The following SBF2 variants were observed in gnomAD, a reference collection of about 807,000 sequenced individuals.
SBF2 encodes myotubularin-related protein 13.
In SBF2, 112 loss-of-function variants were observed where a neutral mutation model predicts 225.2. The observed-to-expected ratio is 0.50, with a 90% CI of 0.43 to 0.58. The LOEUF is 0.58. Among genes scored for constraint, SBF2 ranks in the 20% least tolerant of loss-of-function variants. SBF2 has a pLI of 0.00. For synonymous variants in SBF2, 763 were observed against 773.3 expected (o/e 0.99, Z 0.22); for missense variants, 1,996 against 2,206.2 (o/e 0.90, Z 1.91).
At chr11:9,927,388 G>A (rs1864136937) in intron 16 of SBF2, among the ~76,000 whole-genome samples, 2 of 152,106 alleles carry the variant, frequency 1.3e-5, no homozygotes, top group Non-Finnish European at 2.9e-5. Flanking sequence ...CTGATTTTAT[G>A]AGGCCAGCAA....
At chr11:10,107,790 T>C (rs887151366) in intron 2 of SBF2, among the ~76,000 whole-genome samples, 8 of 152,216 alleles carry the variant, frequency 5.3e-5, no homozygotes, top group Non-Finnish European at 1.0e-4. Context: ...TACAGGATGA[T>C]CTCATCTGAA....
chr11:9,794,620 G>A (rs1030850291), intron 33 of SBF2, among the ~76,000 whole-genome samples: 4 of 122,944 alleles, frequency 3.3e-5, no homozygotes, highest in South Asian at 2.8e-4. Flanking sequence ...AGCCAAGATC[G>A]CACCAATGCA....
intron 28 of SBF2, among the ~76,000 whole-genome samples, chr11:9,826,767 G>T (rs1855093690): frequency 6.6e-6 from 1 of 151,106 alleles, no homozygotes; most frequent in African/African-American, 2.4e-5. Flanking sequence ...GTGTGTGTAT[G>T]TATATATATA....
rs573342854 is a variant in SBF2 at position 9,824,769 on chromosome 11, C to T, written c.3793+4587G>A. Among the ~76,000 whole-genome samples the T allele has an allele frequency of 3.3e-5, 5 of 152,186 alleles. No homozygotes were observed. In the South Asian group the frequency reaches 1.0e-3, roughly 32 times the overall value. On this transcript the variant is annotated intron_variant, in intron 28 of 39. Transcript: ENST00000256190. ...GGGAGGGTTTCAATTAACTAGACAT[C>T]TGCTGAAAGTTGCACTGTCTAAAAG...
Position 9,787,664 on chromosome 11 carries a change from C to T in SBF2, c.5007G>A (p.Val1669=), listed in dbSNP as rs918725972. Residue 1669 remains valine (V), a synonymous_variant, in exon 36 of 40, where the codon GTG becomes GTA. Coordinates refer to ENST00000256190, the MANE Select transcript of SBF2 (RefSeq NM_030962.4). ...KWQQLWERVT[V]DLKEEPRTDR... is the part of the protein sequence containing the mutation. ...CTGTTCTTGGTTCTTCTTTAAGGTC[C>T]ACGGTTACCCTTTCCCACAGCTGCT... is the stretch of plus-strand genomic sequence containing the variant. 24 of 1,614,092 alleles carry T rather than the reference C, an allele frequency of 1.5e-5. No individual in the cohort carries two copies. The highest frequency in any genetic ancestry group is 1.9e-5 in the Non-Finnish European group (22 of 1,180,046).
chr11:9,862,022 A>C (rs544610376), intron 17 of SBF2, among the ~76,000 whole-genome samples: 1 of 152,322 alleles, frequency 6.6e-6, no homozygotes, highest in Non-Finnish European at 1.5e-5. Context: ...AAGTGACTAT[A>C]GTACAAACAC....
intron 2 of SBF2, among the ~76,000 whole-genome samples, chr11:10,067,649 C>A (rs2134787424): frequency 6.6e-6 from 1 of 152,036 alleles, no homozygotes; most frequent in East Asian, 1.9e-4. Context: ...AATCTCAGCA[C>A]CATGGGAGGC....
At chr11:9,797,552 G>A (rs1853199338) in intron 32 of SBF2, among the ~76,000 whole-genome samples, 1 of 152,212 alleles carries the variant, frequency 6.6e-6, no homozygotes, top group Non-Finnish European at 1.5e-5. Context: ...GAATAGCTAG[G>A]TAGCGTGCCA....
chr11:9,941,793 AAAAAAAT>A (rs1393626549), intron 16 of SBF2, among the ~76,000 whole-genome samples: 1 of 152,066 alleles, frequency 6.6e-6, no homozygotes, highest in African/African-American at 2.4e-5. Context: ...ATAAGAAAGA[AAAAAAAT>A]ATATATATAA....
At chr11:10,218,889 G>A (rs1331930969) in intron 1 of SBF2, among the ~76,000 whole-genome samples, 2 of 152,214 alleles carry the variant, frequency 1.3e-5, no homozygotes, top group Admixed American at 1.3e-4. Context: ...ACAGCCCTGT[G>A]CAGCTTGATT....
chr11:9,915,445 CAAAAAAAAAAA>C (rs60692182), intron 16 of SBF2, among the ~76,000 whole-genome samples: 1 of 109,654 alleles, frequency 9.1e-6, no homozygotes, highest in Non-Finnish European at 1.8e-5. Context: ...GAGTCCGTCT[CAAAAAAAAAAA>C]AAAAAAAAGA....
intron 2 of SBF2, among the ~76,000 whole-genome samples, chr11:10,121,159 T>G (rs1409101227): frequency 6.6e-6 from 1 of 152,214 alleles, no homozygotes; most frequent in African/African-American, 2.4e-5. Flanking sequence ...CTCTAATGAT[T>G]AGTGATGTTA....
chr11:10,019,511 C>A (rs1004917995), intron 6 of SBF2, among the ~76,000 whole-genome samples: 7 of 152,064 alleles, frequency 4.6e-5, no homozygotes, highest in African/African-American at 1.7e-4. Flanking sequence ...CTCAAATTTG[C>A]AAACTATGTT....
intron 2 of SBF2, among the ~76,000 whole-genome samples, chr11:10,104,386 A>AT (rs1565233408): frequency 6.6e-6 from 1 of 152,224 alleles, no homozygotes; most frequent in Non-Finnish European, 1.5e-5. Flanking sequence ...GGTGGAAGGT[A>AT]TAACAACAAT....
intron 2 of SBF2, among the ~76,000 whole-genome samples, chr11:10,083,631 C>T (rs917601928): frequency 6.6e-6 from 1 of 152,110 alleles, no homozygotes; most frequent in Non-Finnish European, 1.5e-5. Context: ...GGGGAAAGGA[C>T]ACCTTATTCA....
chr11:10,093,611 G>A (rs751766338), intron 2 of SBF2, among the ~76,000 whole-genome samples: 9 of 152,036 alleles, frequency 5.9e-5, no homozygotes, highest in African/African-American at 1.2e-4. Flanking sequence ...ATTAACATAT[G>A]CTAAATATCT....
chr11:10,151,871 G>A (rs962442279), intron 2 of SBF2, among the ~76,000 whole-genome samples: 1 of 152,074 alleles, frequency 6.6e-6, no homozygotes, highest in African/African-American at 2.4e-5. Flanking sequence ...ATTTTCCAAT[G>A]AATAGTCAAC....
chr11:9,783,470 T>C (rs1042123099), intron 38 of SBF2, among the ~76,000 whole-genome samples: 4 of 152,152 alleles, frequency 2.6e-5, no homozygotes, highest in African/African-American at 4.8e-5. Flanking sequence ...AGAATCAAAA[T>C]GTGTAAGCCT....
chr11:10,066,148 TA>T (rs907980846), intron 2 of SBF2, among the ~76,000 whole-genome samples: 1 of 151,946 alleles, frequency 6.6e-6, no homozygotes, highest in African/African-American at 2.4e-5. Flanking sequence ...GTTTTTTCCT[TA>T]AAAAAATAAC....
Sources: gnomAD v4.1 joint callset for allele counts (sites outside exome capture counted in the v4.1 genomes callset) on GRCh38, gnomAD v4.1.1 for gene constraint, MANE v1.5 for transcripts, NCBI Gene and HGNC (gene_info 2026-07-23, HGNC 2026-07-21) for gene names.